Variants in GMDS observed in about 807,000 individuals in gnomAD.
The protein encoded by GMDS is GDP-mannose 4,6 dehydratase.
A neutral mutation model predicts 49.9 loss-of-function variants in GMDS; 20 were observed. The ratio of observed to expected loss-of-function variants is 0.40; its 90% CI spans 0.28 to 0.58. The LOEUF (loss-of-function observed/expected upper bound fraction) is 0.58, where lower values mean the gene tolerates loss of function less well. Ranked by LOEUF, GMDS falls within the 20% of genes least tolerant of loss-of-function variation. GMDS has a pLI of 0.42. For synonymous variants in GMDS, 177 were observed against 178.6 expected (o/e 0.99, Z 0.07); for missense variants, 362 against 481.4 (o/e 0.75, Z 2.32).
At chr6:2,132,727 T>G (rs139317332) in intron 1 of GMDS, among the ~76,000 whole-genome samples, 2 of 152,228 alleles carry the variant, frequency 1.3e-5, no homozygotes, top group East Asian at 3.9e-4. Context: ...ATTGGGAAAA[T>G]ACACAGGAAA....
chr6:2,136,116 A>G (rs1344827000), intron 1 of GMDS, among the ~76,000 whole-genome samples: 2 of 152,222 alleles, frequency 1.3e-5, no homozygotes, highest in African/African-American at 2.4e-5. Context: ...CAGAAAAGGT[A>G]CAGTGAAAAT....
rs575201476 is a variant in GMDS at position 2,054,819 on chromosome 6, C to A, written c.345+60952G>T. On this transcript the variant is annotated intron_variant, in intron 4 of 10. Coordinates refer to ENST00000380815, the MANE Select transcript of GMDS (RefSeq NM_001500.4). ...CCAGGAAAACAAAAACAAAACAAAACAAAAAAAACCACATGATCCATTTTC... is the reference window on the plus strand; with the variant it reads ...CCAGGAAAACAAAAACAAAACAAAAAAAAAAAAACCACATGATCCATTTTC... 4.0e-3 allele frequency among the ~76,000 whole-genome samples: 595 copies of A among 150,566 alleles called. 3 individuals are homozygous for A. Among genetic ancestry groups the A allele is most frequent in the African/African-American group, 0.014 (579 of 41,060 alleles).
At chr6:2,229,513 C>A (rs1019961534) in intron 1 of GMDS, among the ~76,000 whole-genome samples, 2 of 152,002 alleles carry the variant, frequency 1.3e-5, no homozygotes, top group Non-Finnish European at 2.9e-5. Context: ...TTGAGCCCAG[C>A]ATGTCCAGGC....
Position 2,117,495 on chromosome 6 carries a change from T to C in GMDS, c.209A>G (p.Lys70Arg), listed in dbSNP as rs1276717627. Residue 70 changes from lysine (K) to arginine (R), a missense_variant, in exon 3 of 11, where the codon AAG becomes AGG. By Grantham distance (26) the Lys-to-Arg change is conservative. Coordinates refer to ENST00000380815, the MANE Select transcript of GMDS (RefSeq NM_001500.4). The part of the protein sequence containing the change: ...FNTGRIEHLY[K>R]NPQAHIEGNM... ...TCCTTCAATGTGAGCCTGGGGATTC[T>C]TATACAGATGCTCAATTCGACCCGT... is the stretch of plus-strand genomic sequence containing the variant. 1.9e-6 allele frequency: 3 copies of C among 1,604,436 alleles called. No homozygotes were observed. Among genetic ancestry groups the C allele is most frequent in the Non-Finnish European group, 2.6e-6 (3 of 1,171,190 alleles).
chr6:1,798,384 T>C (rs1769821083), intron 7 of GMDS, among the ~76,000 whole-genome samples: 1 of 152,192 alleles, frequency 6.6e-6, no homozygotes, highest in African/African-American at 2.4e-5. Context: ...TGGATAATTT[T>C]AAAAGAAACC....
In GMDS at chr6:1,624,560, G is replaced by A. The variant is rs780648502; in HGVS notation, c.988-20C>T. ...AAAGTCCTAGGGAAGAAGAGGGGGA[G>A]ACGAAGCAGGCGTGGGTCGTGGGGG... is the stretch of plus-strand genomic sequence containing the variant. On this transcript the variant is annotated intron_variant, in intron 9 of 10. Transcript: ENST00000380815. 1 of 1,567,006 alleles carries A rather than the reference G, an allele frequency of 6.4e-7. No homozygotes were observed. The highest frequency in any genetic ancestry group is 8.8e-7 in the Non-Finnish European group (1 of 1,137,946).
intron 9 of GMDS, among the ~76,000 whole-genome samples, chr6:1,633,975 C>T (rs763305381): frequency 6.6e-6 from 1 of 152,152 alleles, no homozygotes; most frequent in Non-Finnish European, 1.5e-5. Context: ...CTTTCTGGTG[C>T]CAATTTTTGA....
chr6:2,034,258 T>C (rs894058974), intron 4 of GMDS, among the ~76,000 whole-genome samples: 1 of 152,290 alleles, frequency 6.6e-6, no homozygotes, highest in East Asian at 1.9e-4. Context: ...TCTTTGCTGT[T>C]TTTCTTTTAC....
chr6:2,176,021 C>T, intron 1 of GMDS: 1 of 1,531,784 alleles, frequency 6.5e-7, no homozygotes, highest in South Asian at 1.2e-5. Context: ...TGCCTCAGAG[C>T]ACAGATGCTT....
At chr6:1,983,924 T>C (rs765280840) in intron 4 of GMDS, among the ~76,000 whole-genome samples, 3 of 152,194 alleles carry the variant, frequency 2.0e-5, no homozygotes, top group Non-Finnish European at 2.9e-5. Context: ...TGCATGCGTA[T>C]GTTCAGTGCA....
At chr6:2,050,468 A>G (rs891607144) in intron 4 of GMDS, among the ~76,000 whole-genome samples, 3 of 152,222 alleles carry the variant, frequency 2.0e-5, no homozygotes, top group African/African-American at 7.2e-5. Context: ...AGCTGGTACC[A>G]TTCCTTCTGA....
intron 4 of GMDS, among the ~76,000 whole-genome samples, chr6:1,998,971 TGCAACAA>T (rs1360508508): frequency 6.0e-4 from 92 of 152,180 alleles, no homozygotes; most frequent in African/African-American, 2.0e-3. Context: ...AGATAAGACA[TGCAACAA>T]GCAATAAGTA....
At chr6:2,118,427 C>G (rs1385751386) in intron 2 of GMDS, among the ~76,000 whole-genome samples, 1 of 152,140 alleles carries the variant, frequency 6.6e-6, no homozygotes, top group Non-Finnish European at 1.5e-5. Flanking sequence ...TAGAAGTGTT[C>G]CTTCTTATGC....
intron 7 of GMDS, among the ~76,000 whole-genome samples, chr6:1,774,463 T>A (rs948360861): frequency 6.6e-6 from 1 of 152,360 alleles, no homozygotes; most frequent in Non-Finnish European, 1.5e-5. Flanking sequence ...CAGCTGCAGA[T>A]AGTTTTCATA....
chr6:1,647,913 T>C (rs1437663851), intron 9 of GMDS, among the ~76,000 whole-genome samples: 1 of 152,208 alleles, frequency 6.6e-6, no homozygotes, highest in African/African-American at 2.4e-5. Flanking sequence ...GCTAGCGGTC[T>C]GGTCTTCCCT....
chr6:1,924,334 G>T (rs1761884825), intron 7 of GMDS, among the ~76,000 whole-genome samples: 1 of 152,260 alleles, frequency 6.6e-6, no homozygotes, highest in South Asian at 2.1e-4. Flanking sequence ...CGATCCTCAC[G>T]TCCTCTGGGT....
chr6:2,233,122 A>G (rs1338831551), intron 1 of GMDS, among the ~76,000 whole-genome samples: 6 of 152,230 alleles, frequency 3.9e-5, no homozygotes, highest in African/African-American at 1.4e-4. Context: ...GTAATGATAA[A>G]TTGTATGTTA....
chr6:2,239,233 G>A (rs1171271086), intron 1 of GMDS, among the ~76,000 whole-genome samples: 1 of 151,152 alleles, frequency 6.6e-6, no homozygotes, highest in East Asian at 1.9e-4. Context: ...GGAGGCTGAG[G>A]CACAAGAATC....
intron 6 of GMDS, among the ~76,000 whole-genome samples, chr6:1,940,559 T>G (rs1762774508): frequency 4.6e-5 from 7 of 152,168 alleles, no homozygotes; most frequent in Admixed American, 4.6e-4. Flanking sequence ...ATCAGAGAGA[T>G]CATACCTCAT....
Sources: allele counts gnomAD v4.1 joint callset (sites outside exome capture counted in the v4.1 genomes callset), GRCh38; gene constraint gnomAD v4.1.1; transcripts MANE v1.5; gene names NCBI Gene and HGNC (gene_info 2026-07-23, HGNC 2026-07-21).